HEATR5A: variants seen among roughly 807,000 people sequenced by gnomAD.
The protein encoded by HEATR5A is HEAT repeat containing 5A.
A neutral mutation model predicts 218.8 loss-of-function variants in HEATR5A; 178 were observed. That is an observed-to-expected ratio of 0.81 (90% CI 0.72 to 0.92). HEATR5A has a LOEUF of 0.92. Ranked by LOEUF, HEATR5A falls within the 40% of genes least tolerant of loss-of-function variation. The pLI is 0.00. For missense variants in HEATR5A, 2,420 were observed against 2,418.9 expected, an observed-to-expected ratio of 1.00 and a Z score of -0.01; for synonymous variants, 864 against 871.6, an observed-to-expected ratio of 0.99 and a Z score of 0.15.
intron 16 of HEATR5A, among the ~76,000 whole-genome samples, chr14:31,351,106 T>C (rs188983132): frequency 6.6e-6 from 1 of 152,296 alleles, no homozygotes; most frequent in Non-Finnish European, 1.5e-5. Flanking sequence ...AACTTCACAC[T>C]TTAGGTTCTT....
chr14:31,411,580 G>A (rs1354815612), intron 1 of HEATR5A, among the ~76,000 whole-genome samples: 2 of 152,108 alleles, frequency 1.3e-5, no homozygotes, highest in Non-Finnish European at 2.9e-5. Context: ...AAATGGTTTT[G>A]GGAAATGCCT....
At chr14:31,378,120 T>C (rs1315024469) in intron 11 of HEATR5A, among the ~76,000 whole-genome samples, 3 of 152,216 alleles carry the variant, frequency 2.0e-5, no homozygotes, top group Non-Finnish European at 4.4e-5. Flanking sequence ...GACTACATTA[T>C]TCCCAGCACA....
chr14:31,302,571 T>C (rs771752317), intron 32 of HEATR5A, 52 bp from the exon 33 acceptor site: 77 of 1,219,836 alleles, frequency 6.3e-5, no homozygotes, highest in Non-Finnish European at 8.0e-5. Flanking sequence ...ATATATATGG[T>C]TTCTAAAAAG....
At chr14:31,305,520 C>T (rs1899529826) in intron 31 of HEATR5A, among the ~76,000 whole-genome samples, 1 of 152,140 alleles carries the variant, frequency 6.6e-6, no homozygotes, top group Non-Finnish European at 1.5e-5. Flanking sequence ...GCCCCGGCCT[C>T]CCAAAGTGCC....
At chr14:31,327,982 C>T (rs1374530179) in intron 22 of HEATR5A, among the ~76,000 whole-genome samples, 1 of 152,144 alleles carries the variant, frequency 6.6e-6, no homozygotes, top group African/African-American at 2.4e-5. Flanking sequence ...GAGACAGAGT[C>T]TCGCTCTGTC....
At chr14:31,350,988 C>A (rs866486783) in intron 16 of HEATR5A, among the ~76,000 whole-genome samples, 1 of 152,080 alleles carries the variant, frequency 6.6e-6, no homozygotes, top group Admixed American at 6.6e-5. Context: ...ACCATGTTGG[C>A]CAGGCTGGTC....
chr14:31,295,047 T>C (rs1344270259), intron 34 of HEATR5A, among the ~76,000 whole-genome samples: 7 of 152,188 alleles, frequency 4.6e-5, no homozygotes, highest in Non-Finnish European at 7.3e-5. Flanking sequence ...AATAATTATT[T>C]TTTCTGAGAG....
Position 31,343,880 on chromosome 14 carries a change from A to T in HEATR5A, c.3228+16T>A. On this transcript the variant is annotated intron_variant, in intron 21 of 35. Coordinates refer to ENST00000543095, the MANE Select transcript of HEATR5A (RefSeq NM_015473.4). ...AATAAAAGAAACTAAGAGCTCGTTT[A>T]CAATTCTATACTCACACAGAGGCAG... 1.9e-6 allele frequency: 3 copies of T among 1,547,716 alleles called. No homozygotes were observed. Among genetic ancestry groups the T allele is most frequent in the Non-Finnish European group, 2.6e-6 (3 of 1,149,404 alleles).
intron 34 of HEATR5A, among the ~76,000 whole-genome samples, chr14:31,294,622 G>T (rs900478559): frequency 6.6e-6 from 1 of 151,980 alleles, no homozygotes; most frequent in Non-Finnish European, 1.5e-5. Flanking sequence ...CGTTGGTCAG[G>T]CTGGTCTCGA....
At chr14:31,365,049 A>G (rs1177292192) in intron 13 of HEATR5A, among the ~76,000 whole-genome samples, 2 of 151,120 alleles carry the variant, frequency 1.3e-5, no homozygotes, top group Non-Finnish European at 3.0e-5. Context: ...TAATTTTTGT[A>G]TTATTGGTAG....
intron 25 of HEATR5A, chr14:31,320,618 AC>A: frequency 1.4e-6 from 1 of 706,726 alleles, no homozygotes; most frequent in Non-Finnish European, 2.6e-6. Flanking sequence ...AATGAGTAAT[AC>A]CCCGGTGGTC....
intron 22 of HEATR5A, chr14:31,334,565 A>C (rs1900585459): frequency 5.1e-6 from 2 of 390,022 alleles, no homozygotes; most frequent in Non-Finnish European, 1.0e-5. Context: ...CTCTAACTAA[A>C]ATGCTATCAA....
chr14:31,380,442 A>G, intron 11 of HEATR5A, 25 bp downstream of exon 11: 1 of 1,404,064 alleles, frequency 7.1e-7, no homozygotes, highest in East Asian at 2.3e-5. Context: ...ATTTCAAGGT[A>G]TGTAAACCTT....
chr14:31,390,914 G>T (rs559872486), intron 6 of HEATR5A, among the ~76,000 whole-genome samples: 2 of 152,132 alleles, frequency 1.3e-5, no homozygotes, highest in African/African-American at 4.8e-5. Context: ...CTAGAACAAG[G>T]CATCGCTATT....
chr14:31,350,446 CAA>C (rs1901180500), intron 17 of HEATR5A, among the ~76,000 whole-genome samples, 164 bp downstream of exon 17: 1 of 151,774 alleles, frequency 6.6e-6, no homozygotes, highest in Non-Finnish European at 1.5e-5. Context: ...TTTATGTGGA[CAA>C]AAAGTAAAAG....
chr14:31,343,061 C>A (rs1360374626), intron 21 of HEATR5A, among the ~76,000 whole-genome samples: 1 of 151,576 alleles, frequency 6.6e-6, no homozygotes, highest in Non-Finnish European at 1.5e-5. Flanking sequence ...GAGGCAAGTC[C>A]AGATAGAAAC....
At chr14:31,354,655 G>A (rs1018322692) in intron 16 of HEATR5A, among the ~76,000 whole-genome samples, 5 of 152,144 alleles carry the variant, frequency 3.3e-5, no homozygotes, top group African/African-American at 1.2e-4. Flanking sequence ...TTTGAGTCTA[G>A]ATGGAATAAA....
intron 18 of HEATR5A, among the ~76,000 whole-genome samples, chr14:31,349,135 A>T (rs1334781290): frequency 6.6e-6 from 1 of 152,148 alleles, no homozygotes; most frequent in Admixed American, 6.5e-5. Context: ...CACGCTTTTA[A>T]TCCCAGCACT....
chr14:31,418,162 T>C (rs1435990039), intron 1 of HEATR5A, among the ~76,000 whole-genome samples: 3 of 152,126 alleles, frequency 2.0e-5, no homozygotes, highest in Admixed American at 1.3e-4. Flanking sequence ...TGAGCCAAGA[T>C]CGCGCCACTG....
Sources: gnomAD v4.1 joint callset for allele counts (sites outside exome capture counted in the v4.1 genomes callset) on GRCh38, gnomAD v4.1.1 for gene constraint, MANE v1.5 for transcripts, NCBI Gene and HGNC (gene_info 2026-07-23, HGNC 2026-07-21) for gene names.